IQCM: variants seen among roughly 807,000 people sequenced by gnomAD.
The protein encoded by IQCM is IQ domain-containing protein M.
IQCM carries 45 observed loss-of-function variants against 57.6 expected under a neutral mutation model. That is an observed-to-expected ratio of 0.78 (90% CI 0.62 to 1.00). The LOEUF is 1.00. Ranked by LOEUF, IQCM falls within the 50% of genes least tolerant of loss-of-function variation. IQCM has a pLI of 0.00. For synonymous variants in IQCM, 148 were observed against 158.9 expected (o/e 0.93, Z 0.51); for missense variants, 468 against 511.6 (o/e 0.91, Z 0.82).
chr4:149,731,835 G>A (rs1005311359), intron 5 of IQCM, among the ~76,000 whole-genome samples: 17 of 151,708 alleles, frequency 1.1e-4, no homozygotes, highest in African/African-American at 3.4e-4. Flanking sequence ...TAATCAATAC[G>A]AATCTCCAAT....
At chr4:149,517,784 C>A (rs545124562) in intron 12 of IQCM, among the ~76,000 whole-genome samples, 1 of 152,148 alleles carries the variant, frequency 6.6e-6, no homozygotes, top group South Asian at 2.1e-4. Context: ...CTGGCTTAGC[C>A]TTCCAGGATA....
At chr4:149,658,655 T>C (rs1414140673) in intron 7 of IQCM, among the ~76,000 whole-genome samples, 1 of 152,158 alleles carries the variant, frequency 6.6e-6, no homozygotes, top group East Asian at 1.9e-4. Flanking sequence ...TCAATTTCTT[T>C]AATAAGTGTT....
intron 12 of IQCM, among the ~76,000 whole-genome samples, chr4:149,500,266 T>C (rs1276350163): frequency 2.0e-5 from 3 of 152,200 alleles, no homozygotes; most frequent in African/African-American, 4.8e-5. Flanking sequence ...CTTCTAAAAG[T>C]TGGCATAATT....
At chr4:149,421,374 CA>C (rs1156975603) in intron 13 of IQCM, among the ~76,000 whole-genome samples, 2 of 151,844 alleles carry the variant, frequency 1.3e-5, no homozygotes, top group Non-Finnish European at 2.9e-5. Context: ...GAAGAGAACA[CA>C]ACGGTGATGT....
chr4:149,389,492 A>G (rs556203595), intron 13 of IQCM, among the ~76,000 whole-genome samples: 3 of 151,978 alleles, frequency 2.0e-5, no homozygotes, highest in South Asian at 4.2e-4. Context: ...GATTAAGAAA[A>G]TGTGGCACAT....
chr4:149,451,394 G>C (rs1048109121), intron 12 of IQCM, among the ~76,000 whole-genome samples: 1 of 151,732 alleles, frequency 6.6e-6, no homozygotes, highest in East Asian at 1.9e-4. Flanking sequence ...ACACCATTTT[G>C]TATGATGTGA....
chr4:149,439,241 T>C (rs1227792732), intron 12 of IQCM, among the ~76,000 whole-genome samples: 4 of 152,070 alleles, frequency 2.6e-5, no homozygotes, highest in African/African-American at 9.7e-5. Flanking sequence ...TTCAAAAGGT[T>C]CGCTTCTTCA....
intron 9 of IQCM, among the ~76,000 whole-genome samples, chr4:149,587,155 A>G (rs2149998647): frequency 6.6e-6 from 1 of 151,872 alleles, no homozygotes; most frequent in African/African-American, 2.4e-5. Context: ...TTTCTGCCTA[A>G]GTTCTCACTA....
chr4:149,363,737 A>T (rs182006483), intron 13 of IQCM, among the ~76,000 whole-genome samples: 3 of 152,318 alleles, frequency 2.0e-5, no homozygotes, highest in Admixed American at 2.0e-4. Flanking sequence ...GTTTTTAAAT[A>T]ATCAGGTCCT....
chr4:149,814,389 T>C (rs1486564203), intron 2 of IQCM, among the ~76,000 whole-genome samples: 2 of 152,012 alleles, frequency 1.3e-5, no homozygotes, highest in African/African-American at 4.8e-5. Context: ...GAATCAGCTT[T>C]AGAAAATGAT....
chr4:149,393,930 A>G (rs1471150814), intron 13 of IQCM, among the ~76,000 whole-genome samples: 1 of 151,974 alleles, frequency 6.6e-6, no homozygotes, highest in Non-Finnish European at 1.5e-5. Context: ...GGAAACAACA[A>G]AACAAAAACC....
intron 7 of IQCM, among the ~76,000 whole-genome samples, chr4:149,652,349 G>A (rs948633513): frequency 8.6e-5 from 13 of 151,964 alleles, no homozygotes. Flanking sequence ...AATGCATGCG[G>A]GGCTTAAAAC....
chr4:149,761,225 C>G (rs1769480650), intron 2 of IQCM, among the ~76,000 whole-genome samples: 1 of 151,978 alleles, frequency 6.6e-6, no homozygotes, highest in African/African-American at 2.4e-5. Flanking sequence ...ATAAAAATCC[C>G]CTTAATCGTG....
At chr4:149,588,504 C>T (rs1159243889) in intron 8 of IQCM, among the ~76,000 whole-genome samples, 1 of 151,798 alleles carries the variant, frequency 6.6e-6, no homozygotes, top group Non-Finnish European at 1.5e-5. Context: ...TATGTCAAAG[C>T]CCTAATCCCT....
rs542824270 is a variant in IQCM at position 149,526,074 on chromosome 4, A to C, written c.1228+22381T>G. Among the ~76,000 whole-genome samples, 294 of 152,112 alleles carry C rather than the reference A, an allele frequency of 1.9e-3. 2 individuals carry two copies. The highest frequency in any genetic ancestry group is 6.8e-3 in the Middle Eastern group (2 of 294). ...TACCATTGGGAATTTAGAAATAAAA[A>C]GATGTGCTCAATTTTGCTGAGAAAT... is the stretch of plus-strand genomic sequence containing the variant. On this transcript the variant is annotated intron_variant, in intron 12 of 13. Transcript: ENST00000636793.
chr4:149,610,928 C>T (rs1394041403), intron 8 of IQCM, among the ~76,000 whole-genome samples: 3 of 152,030 alleles, frequency 2.0e-5, no homozygotes, highest in African/African-American at 4.8e-5. Flanking sequence ...GTAGAGACAG[C>T]CAACGAATGG....
intron 2 of IQCM, among the ~76,000 whole-genome samples, chr4:149,804,142 T>C (rs755821309): frequency 2.0e-5 from 3 of 151,980 alleles, no homozygotes; most frequent in African/African-American, 4.8e-5. Context: ...TCTGGTAAGA[T>C]AGTTTTCCTT....
At chr4:149,646,964 A>G (rs1480263163) in intron 7 of IQCM, among the ~76,000 whole-genome samples, 1 of 152,220 alleles carries the variant, frequency 6.6e-6, no homozygotes, top group African/African-American at 2.4e-5. Context: ...AACCTGGGTG[A>G]CAAGAGTGAA....
At chr4:149,582,959 A>C (rs1237099176) in intron 9 of IQCM, among the ~76,000 whole-genome samples, 3 of 151,676 alleles carry the variant, frequency 2.0e-5, no homozygotes, top group Non-Finnish European at 4.4e-5. Flanking sequence ...AGTAATTTTC[A>C]AGATAAAAGG....
Sources: gnomAD v4.1 joint callset for allele counts (sites outside exome capture counted in the v4.1 genomes callset) on GRCh38, gnomAD v4.1.1 for gene constraint, MANE v1.5 for transcripts, NCBI Gene and HGNC (gene_info 2026-07-23, HGNC 2026-07-21) for gene names.